The following ESYT2 variants were observed in gnomAD, a reference collection of about 807,000 sequenced individuals.
The protein encoded by ESYT2 is extended synaptotagmin-2.
Under a neutral mutation model 107.2 loss-of-function variants are expected in ESYT2, and 54 were observed. The ratio of observed to expected loss-of-function variants is 0.50; its 90% CI spans 0.40 to 0.63. ESYT2 has a LOEUF of 0.63. Ranked by LOEUF, ESYT2 falls within the 30% of genes least tolerant of loss-of-function variation. The pLI is 0.00. For synonymous variants in ESYT2, 491 were observed against 434.1 expected (o/e 1.13, Z -1.63); for missense variants, 1,020 against 1,094.5 (o/e 0.93, Z 0.96).
At chr7:158,822,417 A>C (rs1396278945) in intron 1 of ESYT2, among the ~76,000 whole-genome samples, 1 of 152,190 alleles carries the variant, frequency 6.6e-6, no homozygotes, top group African/African-American at 2.4e-5. Flanking sequence ...ATTGCTATGC[A>C]ATTAAAATTA....
intron 20 of ESYT2, among the ~76,000 whole-genome samples, chr7:158,735,837 C>T (rs1416944006): frequency 6.6e-6 from 1 of 152,144 alleles, no homozygotes; most frequent in South Asian, 2.1e-4. Flanking sequence ...CCATAGATGT[C>T]TGGGTCCCAA....
intron 1 of ESYT2, among the ~76,000 whole-genome samples, chr7:158,811,556 C>T (rs868562677): frequency 1.3e-5 from 2 of 152,178 alleles, no homozygotes; most frequent in African/African-American, 4.8e-5. Context: ...AACACACAGG[C>T]GCATGAACAC....
chr7:158,811,071 G>A (rs1054880983), intron 1 of ESYT2, among the ~76,000 whole-genome samples: 7 of 145,498 alleles, frequency 4.8e-5, no homozygotes, highest in Non-Finnish European at 7.5e-5. Flanking sequence ...AAGGTGGGAG[G>A]ATCACTTGAG....
At chr7:158,794,225 C>T (rs1305508289) in intron 3 of ESYT2, among the ~76,000 whole-genome samples, 1 of 152,174 alleles carries the variant, frequency 6.6e-6, no homozygotes, top group Admixed American at 6.5e-5. Context: ...CAGGCGTGGC[C>T]GCTCAGGTCT....
chr7:158,783,718 C>G (rs1027882695), intron 6 of ESYT2, among the ~76,000 whole-genome samples: 1 of 152,182 alleles, frequency 6.6e-6, no homozygotes, highest in African/African-American at 2.4e-5. Flanking sequence ...GGCCACAGGC[C>G]AAGTGTGGGT....
intron 1 of ESYT2, among the ~76,000 whole-genome samples, chr7:158,808,110 G>C (rs1261624300): frequency 2.0e-5 from 3 of 152,160 alleles, no homozygotes; most frequent in African/African-American, 7.2e-5. Context: ...TGAACCCACT[G>C]ACCTGGATCC....
At chr7:158,825,553 G>A (rs1446142465) in intron 1 of ESYT2, among the ~76,000 whole-genome samples, 1 of 152,308 alleles carries the variant, frequency 6.6e-6, no homozygotes, top group Non-Finnish European at 1.5e-5. Context: ...TTAAGTGAGA[G>A]CCATCTGTCA....
At chr7:158,751,735 G>A (rs1056516314) in intron 14 of ESYT2, among the ~76,000 whole-genome samples, 5 of 151,604 alleles carry the variant, frequency 3.3e-5, no homozygotes, top group East Asian at 1.9e-4. Flanking sequence ...CAGAGTGGAC[G>A]AAGTGTCTTG....
intron 16 of ESYT2, among the ~76,000 whole-genome samples, chr7:158,747,856 C>T: frequency 6.6e-6 from 1 of 152,164 alleles, no homozygotes; most frequent in Admixed American, 6.5e-5. Flanking sequence ...TCCATAACTA[C>T]TACTCAACAA....
At chr7:158,744,557 T>G (rs765640181) in intron 16 of ESYT2, among the ~76,000 whole-genome samples, 2 of 152,216 alleles carry the variant, frequency 1.3e-5, no homozygotes, top group African/African-American at 4.8e-5. Context: ...CAGAGGTGGA[T>G]CTCACTATGT....
At position 158,773,333 on chromosome 7, in the gene ESYT2, A is replaced by C. The variant is rs1447715751; in HGVS notation, c.803+8T>G. 1.9e-6 allele frequency: 3 copies of C among 1,614,000 alleles called. No homozygotes were observed. In the Admixed American group the frequency reaches 5.0e-5, roughly 27 times the overall value. Reference sequence around the variant, plus strand: ...CGCTAAGCCTCCGGGACCAGACACGAGACTTACTTCAATCCAGGGACATCC... The same window carrying C: ...CGCTAAGCCTCCGGGACCAGACACGCGACTTACTTCAATCCAGGGACATCC... On this transcript the variant is annotated splice_region_variant and intron_variant, in intron 7 of 22. Transcript: ENST00000275418.
In ESYT2 at chr7:158,774,873, G is replaced by A. The variant is rs909089950; in HGVS notation, c.748-1477C>T. Among the ~76,000 whole-genome samples, 7 of 152,212 alleles carry A rather than the reference G, an allele frequency of 4.6e-5. No individual in the cohort carries two copies. In the South Asian group the frequency reaches 6.2e-4, roughly 14 times the overall value. ...ATCCGCAGAGCTGTGAGACACAGGGGCCACATGAACTTCAGGAAAGGATGG... is the reference window on the plus strand; with the variant it reads ...ATCCGCAGAGCTGTGAGACACAGGGACCACATGAACTTCAGGAAAGGATGG... On this transcript the variant is annotated intron_variant, in intron 6 of 22. Coordinates refer to ENST00000275418, the MANE Select transcript of ESYT2 (RefSeq NM_001367773.1).
intron 7 of ESYT2, among the ~76,000 whole-genome samples, chr7:158,770,937 C>T (rs1268828188): frequency 2.0e-5 from 3 of 152,042 alleles, no homozygotes; most frequent in African/African-American, 7.2e-5. Context: ...TCCCTTGAGC[C>T]CAGGGGGTTG....
rs551600365 is a variant in ESYT2, at chr7:158,771,749, C to G, written c.803+1592G>C. ...GAAACAAGCACAGCTGTGTCCCATG[C>G]ACGAGCGGCTGCAGCTAGCTCAGAG... On this transcript the variant is annotated intron_variant, in intron 7 of 22. Transcript: ENST00000275418. Among the ~76,000 whole-genome samples the G allele has an allele frequency of 3.3e-5, 5 of 152,334 alleles. No homozygotes were observed. In the South Asian group the frequency reaches 1.0e-3, roughly 32 times the overall value.
chr7:158,788,566 A>C (rs556336595), intron 4 of ESYT2, 149 bp from the exon 5 acceptor site: 198 of 666,002 alleles, frequency 3.0e-4, no homozygotes, highest in Non-Finnish European at 4.2e-4. Context: ...GGCCCATCAA[A>C]TTATAGTATT....
intron 13 of ESYT2, 141 bp from the exon 14 acceptor site, chr7:158,752,984 C>CA (rs1031291502): frequency 3.7e-5 from 15 of 409,570 alleles, no homozygotes; most frequent in Non-Finnish European, 5.7e-5. Flanking sequence ...CACAAACAAC[C>CA]AAAATGCCAC....
At chr7:158,747,973 T>G (rs1563623332) in intron 16 of ESYT2, among the ~76,000 whole-genome samples, 1 of 152,224 alleles carries the variant, frequency 6.6e-6, no homozygotes, top group Non-Finnish European at 1.5e-5. Context: ...ATTCTATTTG[T>G]ATAAAATCCT....
intron 6 of ESYT2, among the ~76,000 whole-genome samples, chr7:158,780,619 C>T (rs1007152730): frequency 6.6e-6 from 1 of 152,216 alleles, no homozygotes; most frequent in African/African-American, 2.4e-5. Flanking sequence ...TTAGTATAAG[C>T]TTGTCAGGCA....
chr7:158,772,179 G>C (rs1838398273), intron 7 of ESYT2, among the ~76,000 whole-genome samples: 1 of 150,888 alleles, frequency 6.6e-6, no homozygotes, highest in African/African-American at 2.4e-5. Flanking sequence ...AGTCAGGTTT[G>C]TTGCTTGCAA....
Sources: allele counts gnomAD v4.1 joint callset (sites outside exome capture counted in the v4.1 genomes callset), GRCh38; gene constraint gnomAD v4.1.1; transcripts MANE v1.5; gene names NCBI Gene and HGNC (gene_info 2026-07-23, HGNC 2026-07-21).